The following EPPK1 variants were observed in gnomAD, a reference collection of about 807,000 sequenced individuals.
EPPK1 encodes the protein epiplakin 1.
For missense variants in EPPK1, 3,823 were observed against 3,673.3 expected (o/e 1.04, Z -1.05); for synonymous variants, 1,862 against 1,721.2 (o/e 1.08, Z -2.03).
chr8:143,876,794 G>A (rs1480802373), intron 1 of EPPK1, among the ~76,000 whole-genome samples: 4 of 152,114 alleles, frequency 2.6e-5, no homozygotes, highest in Non-Finnish European at 4.4e-5. Context: ...CCTGACATCC[G>A]GCCAGGGATG....
rs562332369 is a variant in EPPK1, at chr8:143,872,453, G to T, written c.801C>A (p.Ala267=). The T allele has an allele frequency of 1.3e-6, 2 of 1,595,206 alleles. No individual in the cohort carries two copies. The highest frequency in any genetic ancestry group is 1.7e-6 in the Non-Finnish European group (2 of 1,176,588). ...AVQGLREGRL[A]AVDVSARAEV... ...CGGCACGTGCACTCACGTCCACTGC[G>T]GCCAGCCTGCCCTCCCGCAGACCCT... The change falls in exon 2 of 2, where the codon GCC becomes GCA. Residue 267 remains alanine, a synonymous_variant. Coordinates refer to ENST00000615648, the MANE Select transcript of EPPK1 (RefSeq NM_031308.4).
chr8:143,877,429 G>A (rs376513626), intron 1 of EPPK1, among the ~76,000 whole-genome samples: 1 of 152,182 alleles, frequency 6.6e-6, no homozygotes, highest in African/African-American at 2.4e-5. Context: ...GGGTGGGGAG[G>A]AGGCCGAGCA....
At position 143,866,381 on chromosome 8, in the gene EPPK1, C is replaced by A; in HGVS notation, c.6873G>T (p.Val2291=). ...GCTTCTCCTGGATCTCGCCGCCCAC[C>A]ACGCCCGCGGCCACGGCCTCCTCCA... ...LSVEEAVAAG[V]VGGEIQEKLL... Residue 2291 remains valine, a synonymous_variant, in exon 2 of 2, where the codon GTG becomes GTT. Transcript: ENST00000615648. 3.2e-6 allele frequency: 3 copies of A among 932,802 alleles called. No homozygotes were observed. Among genetic ancestry groups the A allele is most frequent in the Non-Finnish European group, 4.6e-6 (3 of 656,300 alleles). 57.8% of individuals were successfully genotyped at this position (932,802 alleles called of 1,614,324 possible).
In EPPK1 at chr8:143,866,847, T is replaced by C. The variant is rs1019316844; in HGVS notation, c.6407A>G (p.Lys2136Arg). The change falls in exon 2 of 2, where the codon AAG becomes AGG. Residue 2136 changes from lysine to arginine, a missense_variant. By Grantham distance (26) the Lys-to-Arg change is conservative. Transcript: ENST00000615648. Reference protein sequence around the residue: ...LNSEYVTEEKKLQLVRMYRTH... With the variant: ...LNSEYVTEEKRLQLVRMYRTH... ...TCTATACATCCTCACCAGCTGGAGC[T>C]TCTTCTCCTCTGTCACGTATTCGGA... The C allele has an allele frequency of 1.7e-5, 28 of 1,613,238 alleles. No homozygotes were observed. In the African/African-American group the frequency reaches 3.3e-4, roughly 19 times the overall value.
rs781959347 is a variant in EPPK1, at chr8:143,869,409, G to T, written c.3845C>A (p.Ala1282Asp). The change falls in exon 2 of 2, where the codon GCC (alanine) becomes GAC (aspartate). Residue 1282 changes from alanine (A) to aspartate (D), a missense_variant. Coordinates refer to ENST00000615648, the MANE Select transcript of EPPK1 (RefSeq NM_031308.4). ...AACAAGGAAGCCAGATGCCACCTGG[G>T]CTTCCAGCAGCCTCTGGCCCAGGCC... ...PTGLGQRLLE[A>D]QVASGFLVDP... 2 of 1,605,474 alleles carry T rather than the reference G, an allele frequency of 1.2e-6. No individual in the cohort carries two copies. Among genetic ancestry groups the T allele is most frequent in the Non-Finnish European group, 1.7e-6 (2 of 1,177,684 alleles).
In EPPK1 at chr8:143,871,600, C is replaced by G; in HGVS notation, c.1654G>C (p.Ala552Pro). Residue 552 changes from alanine to proline, a missense_variant, in exon 2 of 2, where the codon GCT becomes CCT. By Grantham distance (27) the Ala-to-Pro change is conservative. Transcript: ENST00000615648. ...AAGGTGACCCTGGCAGTGGCTGCAGCCTGCTCGAGGGTGGCGCTCAGCTTA... is the reference window on the plus strand; with the variant it reads ...AAGGTGACCCTGGCAGTGGCTGCAGGCTGCTCGAGGGTGGCGCTCAGCTTA... ...AAKLSATLEQ[A>P]AATARVTFSG... The G allele has an allele frequency of 6.2e-7, 1 of 1,608,634 alleles. No homozygotes were observed. The highest frequency in any genetic ancestry group is 2.2e-5 in the East Asian group (1 of 44,748).
At position 143,857,938 on chromosome 8, in the gene EPPK1, A is replaced by T; in HGVS notation, c.*49T>A. 1 of 1,010,138 alleles carries T rather than the reference A, an allele frequency of 9.9e-7. No individual in the cohort carries two copies. The highest frequency in any genetic ancestry group is 1.4e-6 in the Non-Finnish European group (1 of 703,224). 62.6% of individuals were successfully genotyped at this position (1,010,138 alleles called of 1,614,324 possible). On this transcript the variant is annotated 3_prime_UTR_variant, in exon 2 of 2. Coordinates refer to ENST00000615648, the MANE Select transcript of EPPK1 (RefSeq NM_031308.4). The stretch of plus-strand genomic sequence containing the variant: ...AAAAAAACAACCCAGACACACAAGT[A>T]TGCCTCCACTTCTCCAGAGTTGCAG...
At position 143,869,460 on chromosome 8, in the gene EPPK1, G is replaced by A; in HGVS notation, c.3794C>T (p.Ala1265Val). Residue 1265 changes from alanine to valine, a missense_variant, in exon 2 of 2, where the codon GCC becomes GTC. Ala to Val is a moderately conservative substitution (Grantham distance 64). Coordinates refer to ENST00000615648, the MANE Select transcript of EPPK1 (RefSeq NM_031308.4). Reference protein sequence around the residue: ...PSGAKASIAQAVRDGLLPTGL... With the variant: ...PSGAKASIAQVVRDGLLPTGL... ...TGTGGGCAGGAGGCCATCCCTCACG[G>A]CCTGGGCGATGCTGGCCTTGGCCCC... is the stretch of plus-strand genomic sequence containing the variant. 13 of 1,562,896 alleles carry A rather than the reference G, an allele frequency of 8.3e-6. No homozygotes were observed. The highest frequency in any genetic ancestry group is 6.9e-6 in the Non-Finnish European group (8 of 1,159,100).
chr8:143,872,989 G>A lies in EPPK1; in HGVS notation c.265C>T (p.Arg89Trp), dbSNP rs782220071. ...TTGGACACAGGGAGCAGCTGGCCCC[G>A]GGCGAGGTCCACCAGGCCCCCAGTG... The part of the protein sequence containing the change: ...AATGGLVDLA[R>W]GQLLPVSKAL... The change falls in exon 2 of 2, where the codon CGG becomes TGG. Residue 89 changes from arginine (R) to tryptophan (W), a missense_variant. Coordinates refer to ENST00000615648, the MANE Select transcript of EPPK1 (RefSeq NM_031308.4). 22 of 1,584,266 alleles carry A rather than the reference G, an allele frequency of 1.4e-5. No homozygotes were observed. The highest frequency in any genetic ancestry group is 1.7e-4 in the Middle Eastern group (1 of 5,964).
intron 1 of EPPK1, 82 bp from the exon 2 acceptor site, chr8:143,873,380 A>T: frequency 9.5e-7 from 1 of 1,051,998 alleles, no homozygotes. Context: ...GGGCAATCCC[A>T]TGCTGTCCCG....
At position 143,871,756 on chromosome 8, in the gene EPPK1, C is replaced by T; in HGVS notation, c.1498G>A (p.Val500Met). 1 of 1,610,866 alleles carries T rather than the reference C, an allele frequency of 6.2e-7. No individual in the cohort carries two copies. The highest frequency in any genetic ancestry group is 8.5e-7 in the Non-Finnish European group (1 of 1,178,974). ...ALSTATATVSVGKFRGRPVSL... is the reference protein window; with the variant it reads ...ALSTATATVSMGKFRGRPVSL... ...ACGGGCCGGCCCCGGAACTTCCCCA[C>T]AGAGACGGTGGCTGTGGCCGTGCTC... The change falls in exon 2 of 2, where the codon GTG becomes ATG. Residue 500 changes from valine (V) to methionine (M), a missense_variant. Coordinates refer to ENST00000615648, the MANE Select transcript of EPPK1 (RefSeq NM_031308.4).
At position 143,859,720 on chromosome 8, in the gene EPPK1, C is replaced by G. The variant is rs1819000495; in HGVS notation, c.13534G>C (p.Ala4512Pro). ...CCCTTGGTGTCGTCGCTGGGGTGGG[C>G]CAGGACACGGTTCATCTCCTCGTCG... is the stretch of plus-strand genomic sequence containing the variant. ...YFDEEMNRVL[A>P]HPSDDTKGFF... The change falls in exon 2 of 2, where the codon GCC becomes CCC. Residue 4512 changes from alanine (A) to proline (P), a missense_variant. By Grantham distance (27) the Ala-to-Pro change is conservative. Coordinates refer to ENST00000615648, the MANE Select transcript of EPPK1 (RefSeq NM_031308.4). 6.1e-6 allele frequency: 5 copies of G among 821,672 alleles called. 2 individuals are homozygous for G. In the Admixed American group the frequency reaches 1.5e-4, roughly 25 times the overall value. The allele number at this position is 821,672 out of a possible 1,614,324, so 50.9% of individuals were successfully genotyped here.
In EPPK1 at chr8:143,869,094, G is replaced by A; in HGVS notation, c.4160C>T (p.Thr1387Ile). The A allele has an allele frequency of 3.7e-6, 6 of 1,607,210 alleles. No homozygotes were observed. Among genetic ancestry groups the A allele is most frequent in the Non-Finnish European group, 5.1e-6 (6 of 1,179,794 alleles). The change falls in exon 2 of 2, where the codon ACA becomes ATA. Residue 1387 changes from threonine to isoleucine, a missense_variant. By Grantham distance (89) the Thr-to-Ile change is moderately conservative. Coordinates refer to ENST00000615648, the MANE Select transcript of EPPK1 (RefSeq NM_031308.4). The stretch of plus-strand genomic sequence containing the variant: ...TGCAGTCAGCACCTGGCTCGTCTGT[G>A]TGTCCAGAAGGCCGAGTCTGCAGGC... ...AAACRLGLLD[T>I]QTSQVLTAVD...
chr8:143,878,377 C>T (rs1554662590), intron 1 of EPPK1, 61 bp downstream of exon 1: 1 of 140,220 alleles, frequency 7.1e-6, no homozygotes, highest in East Asian at 2.1e-4. Flanking sequence ...CCGCACCTGC[C>T]CGCACCCGCC....
At position 143,869,614 on chromosome 8, in the gene EPPK1, T is replaced by A. The variant is rs1554660429; in HGVS notation, c.3640A>T (p.Ile1214Phe). 2 of 1,577,008 alleles carry A rather than the reference T, an allele frequency of 1.3e-6. No individual in the cohort carries two copies. The highest frequency in any genetic ancestry group is 1.7e-6 in the Non-Finnish European group (2 of 1,161,736). Residue 1214 changes from isoleucine (I) to phenylalanine (F), a missense_variant, in exon 2 of 2, where the codon ATC becomes TTC. Transcript: ENST00000615648. ...AGGGCCTCAAGGGTCTCCTGGGTGA[T>A]GATGCCAGCATCCAGCAGCCAGACA... Reference protein sequence around the residue: ...PAVWLLDAGIITQETLEALAQ... With the variant: ...PAVWLLDAGIFTQETLEALAQ...
At chr8:143,878,186 CA>C (rs1280162706) in intron 1 of EPPK1, among the ~76,000 whole-genome samples, 1 of 151,504 alleles carries the variant, frequency 6.6e-6, no homozygotes, top group Non-Finnish European at 1.5e-5. Context: ...GCCCGGGACT[CA>C]GGGGCGCCAC....
At position 143,872,074 on chromosome 8, in the gene EPPK1, G is replaced by A. The variant is rs781833706; in HGVS notation, c.1180C>T (p.Leu394Phe). The A allele has an allele frequency of 1.3e-6, 2 of 1,561,938 alleles. No homozygotes were observed. Among genetic ancestry groups the A allele is most frequent in the Non-Finnish European group, 1.7e-6 (2 of 1,153,432 alleles). ...CCTGTGGCCAGCTGGGCATCCAAGA[G>A]CCGCAGTGCCAGTGGCCTGTCCACT... ...GLVDRPLALR[L>F]LDAQLATGGL... is the part of the protein sequence containing the mutation. Residue 394 changes from leucine (L) to phenylalanine (F), a missense_variant, in exon 2 of 2, where the codon CTC becomes TTC. Coordinates refer to ENST00000615648, the MANE Select transcript of EPPK1 (RefSeq NM_031308.4).
chr8:143,874,476 C>T (rs1302878529), intron 1 of EPPK1, among the ~76,000 whole-genome samples: 2 of 152,160 alleles, frequency 1.3e-5, no homozygotes, highest in African/African-American at 4.8e-5. Context: ...AGGGAGAGGG[C>T]GGCCGTGTGA....
In EPPK1 at chr8:143,871,561, C is replaced by T. The variant is rs1554661215; in HGVS notation, c.1693G>A (p.Asp565Asn). ...AGCAGCTCTCCTGGTGTCACGGTGT[C>T]CCTCAGCCCAGAAAAGGTGACCCTG... Reference protein sequence around the residue: ...TARVTFSGLRDTVTPGELLKA... With the variant: ...TARVTFSGLRNTVTPGELLKA... The change falls in exon 2 of 2, where the codon GAC becomes AAC. Residue 565 changes from aspartate to asparagine, a missense_variant. Coordinates refer to ENST00000615648, the MANE Select transcript of EPPK1 (RefSeq NM_031308.4). 3 of 1,609,156 alleles carry T rather than the reference C, an allele frequency of 1.9e-6. No individual in the cohort carries two copies. Among genetic ancestry groups the T allele is most frequent in the South Asian group, 2.2e-5 (2 of 90,558 alleles).
Sources: allele counts gnomAD v4.1 joint callset (sites outside exome capture counted in the v4.1 genomes callset), GRCh38; gene constraint gnomAD v4.1.1; transcripts MANE v1.5; gene names NCBI Gene and HGNC (gene_info 2026-07-23, HGNC 2026-07-21).